Variants in SDR9C7 observed in about 807,000 individuals in gnomAD.
SDR9C7 encodes the protein short-chain dehydrogenase/reductase family 9C member 7.
Under a neutral mutation model 23.6 loss-of-function variants are expected in SDR9C7, and 11 were observed. The ratio of observed to expected loss-of-function variants is 0.47; its 90% CI spans 0.29 to 0.77. The LOEUF (loss-of-function observed/expected upper bound fraction) is 0.77, where lower values mean the gene tolerates loss of function less well. Ranked by LOEUF, SDR9C7 falls within the 30% of genes least tolerant of loss-of-function variation. SDR9C7 has a pLI of 0.09. For synonymous variants in SDR9C7, 167 were observed against 157.3 expected (o/e 1.06, Z -0.46); for missense variants, 387 against 407.1 (o/e 0.95, Z 0.42).
intron 3 of SDR9C7, among the ~76,000 whole-genome samples, chr12:56,927,629 T>C (rs898197838): frequency 6.6e-6 from 1 of 152,188 alleles, no homozygotes; most frequent in African/African-American, 2.4e-5. Flanking sequence ...GCGGTCACCA[T>C]AAGGTCCTCC....
rs1430644664 is a variant in SDR9C7 at position 56,924,855 on chromosome 12, A to C, written c.725-805T>G. Among the ~76,000 whole-genome samples, 4 of 152,174 alleles carry C rather than the reference A, an allele frequency of 2.6e-5. No individual in the cohort carries two copies. The East Asian group carries it at 7.7e-4, about 29-fold the overall frequency. ...ACAATCACTTGAACTCAGGAGTGGGAGGTTGCAGTGACCCAAGATCGCGCC... is the reference window on the plus strand; with the variant it reads ...ACAATCACTTGAACTCAGGAGTGGGCGGTTGCAGTGACCCAAGATCGCGCC... On this transcript the variant is annotated intron_variant, in intron 3 of 3. Coordinates refer to ENST00000293502, the MANE Select transcript of SDR9C7 (RefSeq NM_148897.3).
rs200052349 is a variant in SDR9C7, at chr12:56,934,105, G to A, written c.157C>T (p.Leu53=). 4 of 1,614,242 alleles carry A rather than the reference G, an allele frequency of 2.5e-6. No homozygotes were observed. The highest frequency in any genetic ancestry group is 1.3e-5 in the African/African-American group (1 of 75,066). Reference sequence around the variant, plus strand: ...CCCTCCTCAGTGAAGCAAGCAGCCAGCACCTGCATGCCCCGATCAACCAGC... The same window carrying A: ...CCCTCCTCAGTGAAGCAAGCAGCCAACACCTGCATGCCCCGATCAACCAGC... ...KQLVDRGMQV[L]AACFTEEGSQ... is the part of the protein sequence containing the mutation. The change falls in exon 1 of 4, where the codon CTG becomes TTG. Residue 53 remains leucine (L), a synonymous_variant. Transcript: ENST00000293502.
rs115666541 is a variant in SDR9C7 at position 56,932,420 on chromosome 12, C to A, written c.301+1541G>T. Among the ~76,000 whole-genome samples, 838 of 152,328 alleles carry A rather than the reference C, an allele frequency of 5.5e-3. 9 individuals carry two copies. The highest frequency in any genetic ancestry group is 0.019 in the African/African-American group (800 of 41,574). ...AAAAGTCGATGAGACGGATTCTCCT[C>A]TACAGCCTCTAGAAGGAACACAGCT... On this transcript the variant is annotated intron_variant, in intron 1 of 3. Coordinates refer to ENST00000293502, the MANE Select transcript of SDR9C7 (RefSeq NM_148897.3).
At chr12:56,929,830 C>T (rs1430002596) in intron 2 of SDR9C7, among the ~76,000 whole-genome samples, 1 of 152,174 alleles carries the variant, frequency 6.6e-6, no homozygotes, top group Admixed American at 6.5e-5. Flanking sequence ...CAGGTCCCTC[C>T]CATTAGCAAC....
At chr12:56,924,712 G>A (rs1955721810) in intron 3 of SDR9C7, among the ~76,000 whole-genome samples, 1 of 151,880 alleles carries the variant, frequency 6.6e-6, no homozygotes, top group East Asian at 2.0e-4. Flanking sequence ...CCTGAGGTCA[G>A]GAGTTTGAGA....
intron 1 of SDR9C7, among the ~76,000 whole-genome samples, chr12:56,933,496 C>T (rs543859515): frequency 6.6e-6 from 1 of 152,238 alleles, no homozygotes; most frequent in Non-Finnish European, 1.5e-5. Context: ...GTAGCTGGGA[C>T]TACAGGCACG....
At position 56,923,599 on chromosome 12, in the gene SDR9C7, G is replaced by C. The variant is rs1243015692; in HGVS notation, c.*234C>G. 2.4e-6 allele frequency: 1 copy of C among 410,162 alleles called. No individual in the cohort carries two copies. Among genetic ancestry groups the C allele is most frequent in the African/African-American group, 2.0e-5 (1 of 49,768 alleles). 25.4% of individuals were successfully genotyped at this position (410,162 alleles called of 1,614,324 possible). ...AGACGTCCTTGGAGCTATTGCTGCA[G>C]ATCGCTGAACCTGCAAAGACCACCT... On this transcript the variant is annotated 3_prime_UTR_variant, in exon 4 of 4. Transcript: ENST00000293502.
chr12:56,923,499 A>T lies in SDR9C7; in HGVS notation c.*334T>A, dbSNP rs979213617. The T allele has an allele frequency of 1.5e-5, 3 of 200,794 alleles. No individual in the cohort carries two copies. Among genetic ancestry groups the T allele is most frequent in the African/African-American group, 6.9e-5 (3 of 43,288 alleles). The allele number at this position is 200,794 out of a possible 1,614,324, so 12.4% of individuals were successfully genotyped here. A position where few individuals can be genotyped will look rare whatever the true frequency, so the allele number is the denominator to read the frequency against. ...TGGCAGTGATAACTGAAAGGGGCTCATGATTCCACAGGAGCTGGTTTTCTT... is the reference window on the plus strand; with the variant it reads ...TGGCAGTGATAACTGAAAGGGGCTCTTGATTCCACAGGAGCTGGTTTTCTT... On this transcript the variant is annotated 3_prime_UTR_variant, in exon 4 of 4. Coordinates refer to ENST00000293502, the MANE Select transcript of SDR9C7 (RefSeq NM_148897.3).
At position 56,934,407 on chromosome 12, in the gene SDR9C7, G is replaced by C. The variant is rs1368835648; in HGVS notation, c.-146C>G. 1.7e-5 allele frequency: 11 copies of C among 662,746 alleles called. No homozygotes were observed. The Admixed American group carries it at 3.2e-4, about 19-fold the overall frequency. The allele number at this position is 662,746 out of a possible 1,614,324, so 41.1% of individuals were successfully genotyped here. A position where few individuals can be genotyped will look rare whatever the true frequency, so the allele number is the denominator to read the frequency against. The stretch of plus-strand genomic sequence containing the variant: ...CCTCCCACAGCTTGCAACAAATCTA[G>C]GTCCCTGGGTGAGCCACGCTGTAAT... On this transcript the variant is annotated 5_prime_UTR_variant, in exon 1 of 4. Transcript: ENST00000293502.
intron 1 of SDR9C7, among the ~76,000 whole-genome samples, chr12:56,931,401 TAAATA>T (rs1241229028): frequency 2.6e-5 from 4 of 151,546 alleles, no homozygotes; most frequent in Non-Finnish European, 5.9e-5. Context: ...ATAAAATATT[TAAATA>T]AAATAATTAT....
At position 56,929,660 on chromosome 12, in the gene SDR9C7, C is replaced by A; in HGVS notation, c.561-107G>T. On this transcript the variant is annotated intron_variant, in intron 2 of 3. Transcript: ENST00000293502. ...CAGGAACCTAGAGATGCTTCTCTCA[C>A]CCCTGTACTTGGCCCTGGCATTGCC... The A allele has an allele frequency of 5.4e-6, 7 of 1,305,828 alleles. No homozygotes were observed. In the Admixed American group the frequency reaches 1.4e-4, roughly 26 times the overall value. 80.9% of individuals were successfully genotyped at this position (1,305,828 alleles called of 1,614,324 possible). A position where few individuals can be genotyped will look rare whatever the true frequency, so the allele number is the denominator to read the frequency against.
At chr12:56,930,130 G>C in intron 2 of SDR9C7, 96 bp downstream of exon 2, 1 of 1,412,424 alleles carries the variant, frequency 7.1e-7, no homozygotes, top group African/African-American at 1.4e-5. Flanking sequence ...TTAGCTTCCT[G>C]TCTGCGGAAT....
chr12:56,927,316 A>G (rs933708794), intron 3 of SDR9C7, among the ~76,000 whole-genome samples: 2 of 152,228 alleles, frequency 1.3e-5, no homozygotes, highest in Admixed American at 1.3e-4. Context: ...TGACTTTGTG[A>G]GGTTTCCAGA....
intron 1 of SDR9C7, among the ~76,000 whole-genome samples, chr12:56,933,263 C>A (rs1398500175): frequency 6.6e-6 from 1 of 152,232 alleles, no homozygotes; most frequent in Admixed American, 6.5e-5. Context: ...GTCTCATTCC[C>A]CCTCCCCCAT....
intron 1 of SDR9C7, among the ~76,000 whole-genome samples, chr12:56,932,035 C>T (rs748548381): frequency 1.3e-5 from 2 of 152,144 alleles, no homozygotes; most frequent in Non-Finnish European, 2.9e-5. Flanking sequence ...GTTTCTTAGA[C>T]CAGGATATTG....
In SDR9C7 at chr12:56,930,235, T is replaced by C. The variant is rs138435128; in HGVS notation, c.551A>G (p.Asp184Gly). ...ACCAGGGCCCAGTTACCTTATGCTG[T>C]CAGAGAAGGCCTCAACGCCAAACTT... ...VSKFGVEAFS[D>G]SIRRELYYFG... Residue 184 changes from aspartate (D) to glycine (G), a missense_variant, in exon 2 of 4, where the codon GAC becomes GGC. By Grantham distance (94) the Asp-to-Gly change is moderately conservative. Coordinates refer to ENST00000293502, the MANE Select transcript of SDR9C7 (RefSeq NM_148897.3). The C allele has an allele frequency of 6.0e-4, 970 of 1,614,020 alleles. No individual in the cohort carries two copies. The highest frequency in any genetic ancestry group is 7.6e-4 in the Non-Finnish European group (900 of 1,179,988).
chr12:56,933,133 T>A (rs1041500630), intron 1 of SDR9C7, among the ~76,000 whole-genome samples: 2 of 152,160 alleles, frequency 1.3e-5, no homozygotes, highest in Non-Finnish European at 2.9e-5. Flanking sequence ...GTGACATACA[T>A]ACTTGCCCTG....
chr12:56,925,758 C>T (rs1189485633), intron 3 of SDR9C7, among the ~76,000 whole-genome samples: 2 of 152,198 alleles, frequency 1.3e-5, no homozygotes, highest in South Asian at 2.1e-4. Flanking sequence ...GGCTGAGGGT[C>T]GAAGGAATCG....
rs1334088368 is a variant in SDR9C7, at chr12:56,930,600, TC to T, written c.302-117del. On this transcript the variant is annotated intron_variant, in intron 1 of 3. Transcript: ENST00000293502. ...GTTGAGCAGGTGCACAAGACATAAC[TC>T]GGTCAGGCTATAACATAAAAGGAAG... 7.0e-6 allele frequency: 8 copies of T among 1,149,994 alleles called. No homozygotes were observed. In the African/African-American group the frequency reaches 9.2e-5, roughly 13 times the overall value. The allele number at this position is 1,149,994 out of a possible 1,614,324, so 71.2% of individuals were successfully genotyped here. A position where few individuals can be genotyped will look rare whatever the true frequency, so the allele number is the denominator to read the frequency against.
Sources: gnomAD v4.1 joint callset for allele counts (sites outside exome capture counted in the v4.1 genomes callset) on GRCh38, gnomAD v4.1.1 for gene constraint, MANE v1.5 for transcripts, NCBI Gene and HGNC (gene_info 2026-07-23, HGNC 2026-07-21) for gene names.